ITGA11: variants seen among roughly 807,000 people sequenced by gnomAD.
ITGA11 encodes integrin subunit alpha 11, also known as integrin alpha-11.
ITGA11 carries 97 observed loss-of-function variants against 141.9 expected under a neutral mutation model. That is an observed-to-expected ratio of 0.68 (90% confidence interval 0.58 to 0.81). The LOEUF (loss-of-function observed/expected upper bound fraction) is 0.81, where lower values mean the gene tolerates loss of function less well. Among genes scored for constraint, ITGA11 ranks in the 30% least tolerant of loss-of-function variants. The pLI, the probability that ITGA11 is intolerant of heterozygous loss-of-function variation, is 0.00. For missense variants in ITGA11, 1,387 were observed against 1,559.2 expected, an observed-to-expected ratio of 0.89 and a Z score of 1.86; for synonymous variants, 658 against 624.6, an observed-to-expected ratio of 1.05 and a Z score of -0.80.
rs1197631610 is a variant in ITGA11 at position 68,321,846 on chromosome 15, T to C, written c.2323-343A>G. Among the ~76,000 whole-genome samples the C allele has an allele frequency of 6.6e-6, 1 of 152,202 alleles. No individual in the cohort carries two copies. The highest frequency in any genetic ancestry group is 1.5e-5 in the Non-Finnish European group (1 of 68,048). ...TACTGGGGATACAAAACAAGAAAGA[T>C]GCAGCTTCTGCCCTCAGCTCAAGGG... On this transcript the variant is annotated intron_variant, in intron 18 of 29. Transcript: ENST00000315757. The surrounding 1 kb of genome is among the most constrained non-coding windows in gnomAD (Gnocchi z 4.9).
intron 10 of ITGA11, among the ~76,000 whole-genome samples, chr15:68,341,629 G>A (rs1894573401): frequency 6.6e-6 from 1 of 152,226 alleles, no homozygotes; most frequent in Non-Finnish European, 1.5e-5. Context: ...TGAGGGAGGG[G>A]CGCAGTATTT....
chr15:68,313,993 C>A, intron 22 of ITGA11, 125 bp from the exon 23 acceptor site: 1 of 703,572 alleles, frequency 1.4e-6, no homozygotes. Context: ...ACCAGACAGG[C>A]CAGACAGGGA....
In ITGA11 at chr15:68,322,908, C is replaced by T. The variant is rs1430448794; in HGVS notation, c.2323-1405G>A. On this transcript the variant is annotated intron_variant, in intron 18 of 29. Transcript: ENST00000315757. This position sits in a 1 kb window ranked among gnomAD's most constrained non-coding sequence, Gnocchi z 5.6. ...GTTAAGTGAGAAGTTCAGTGTGCGG[C>T]ATGTTGAGTTTGAAGTGCCTGTGGC... 3.3e-5 allele frequency among the ~76,000 whole-genome samples: 5 copies of T among 150,604 alleles called. No homozygotes were observed. In the East Asian group the frequency reaches 9.7e-4, roughly 29 times the overall value.
At position 68,357,261 on chromosome 15, in the gene ITGA11, C is replaced by T; in HGVS notation, c.639G>A (p.Glu213=). 1 of 1,613,878 alleles carries T rather than the reference C, an allele frequency of 6.2e-7. No individual in the cohort carries two copies. The highest frequency in any genetic ancestry group is 2.2e-5 in the East Asian group (1 of 44,884). Residue 213 remains glutamate, a synonymous_variant, in exon 7 of 30, where the codon GAG becomes GAA. Transcript: ENST00000315757. The part of the protein sequence containing the change: ...VVQYGEDVVH[E]FHLNDYRSVK... ...CAGACCTGTAGTCGTTGAGGTGAAA[C>T]TCATGCACCACATCTTCGCCATACT... is the stretch of plus-strand genomic sequence containing the variant.
At chr15:68,364,652 T>TCCCCCC in intron 4 of ITGA11, 55 bp downstream of exon 4, 8 of 654,788 alleles carry the variant, frequency 1.2e-5, no homozygotes, top group Admixed American at 1.2e-4. Context: ...GCTCCACCCC[T>TCCCCCC]CCCCACCCCC....
chr15:68,368,854 GA>G (rs1254794888), intron 3 of ITGA11, among the ~76,000 whole-genome samples: 6 of 134,646 alleles, frequency 4.5e-5, no homozygotes, highest in Non-Finnish European at 1.5e-5. Flanking sequence ...AAAAAGACAG[GA>G]AGTCCTTTTT....
chr15:68,362,868 T>C (rs1261927375), intron 4 of ITGA11, among the ~76,000 whole-genome samples: 3 of 151,838 alleles, frequency 2.0e-5, no homozygotes, highest in African/African-American at 4.8e-5. Flanking sequence ...CATGTATGAA[T>C]GGGTGGATGA....
intron 2 of ITGA11, among the ~76,000 whole-genome samples, chr15:68,387,625 G>T (rs1269547828): frequency 6.6e-6 from 1 of 152,142 alleles, no homozygotes; most frequent in Non-Finnish European, 1.5e-5. Context: ...GAGATTTTCT[G>T]TGTGTGTTAA....
intron 1 of ITGA11, among the ~76,000 whole-genome samples, chr15:68,425,643 C>T (rs1566946519): frequency 6.6e-6 from 1 of 152,182 alleles, no homozygotes; most frequent in Non-Finnish European, 1.5e-5. Context: ...CCTGGCCCGG[C>T]CTGACTGACA....
intron 10 of ITGA11, among the ~76,000 whole-genome samples, chr15:68,346,918 G>A (rs1052152440): frequency 2.0e-5 from 3 of 152,108 alleles, no homozygotes; most frequent in Admixed American, 2.0e-4. Context: ...CGGATGAGGG[G>A]GGCCTCCAGG....
At position 68,304,203 on chromosome 15, in the gene ITGA11, G is replaced by T. The variant is rs371974786; in HGVS notation, c.3382-318C>A. ...TACTCCTTCTCCCTTTGCTGCCTCC[G>T]CATCGCCTCCCGCACTTCTAAAGGT... On this transcript the variant is annotated intron_variant, in intron 28 of 29. Transcript: ENST00000315757. The surrounding 1 kb of genome is among the most constrained non-coding windows in gnomAD (Gnocchi z 6.1). Among the ~76,000 whole-genome samples the T allele has an allele frequency of 5.9e-5, 9 of 152,116 alleles. No homozygotes were observed. Among genetic ancestry groups the T allele is most frequent in the African/African-American group, 1.9e-4 (8 of 41,430 alleles).
rs1893289625 is a variant in ITGA11, at chr15:68,308,931, T to C, written c.3175-1235A>G. 1.3e-5 allele frequency among the ~76,000 whole-genome samples: 2 copies of C among 152,336 alleles called. No individual in the cohort carries two copies. Among genetic ancestry groups the C allele is most frequent in the East Asian group, 3.9e-4 (2 of 5,188 alleles). On this transcript the variant is annotated intron_variant, in intron 26 of 29. Transcript: ENST00000315757. The surrounding 1 kb of genome is among the most constrained non-coding windows in gnomAD (Gnocchi z 5.2). ...TTAGCCAACACTATAGACAGCTCAG[T>C]TGGCTTAGTTTACATCATTCTGATT...
intron 11 of ITGA11, chr15:68,336,052 A>T (rs1222893080): frequency 1.6e-6 from 1 of 620,226 alleles, no homozygotes; most frequent in South Asian, 2.0e-5. Context: ...GGGGGTTTGG[A>T]GGGTAGGGAG....
chr15:68,363,944 C>G (rs528702858), intron 4 of ITGA11, among the ~76,000 whole-genome samples: 1 of 152,326 alleles, frequency 6.6e-6, no homozygotes, highest in South Asian at 2.1e-4. Context: ...TACTCGTTTG[C>G]TTGTCGCCTC....
intron 1 of ITGA11, among the ~76,000 whole-genome samples, chr15:68,403,350 T>G (rs533388062): frequency 4.5e-4 from 69 of 152,052 alleles, no homozygotes; most frequent in Non-Finnish European, 8.5e-4. Context: ...GATGTTTGGG[T>G]CATGGGGGCG....
chr15:68,365,942 C>T (rs943444815), intron 3 of ITGA11, among the ~76,000 whole-genome samples: 2 of 152,094 alleles, frequency 1.3e-5, no homozygotes, highest in African/African-American at 4.8e-5. Context: ...CCAGGGCACA[C>T]AGGTCAGGAA....
At position 68,308,313 on chromosome 15, in the gene ITGA11, T is replaced by G. The variant is rs556292426; in HGVS notation, c.3175-617A>C. Among the ~76,000 whole-genome samples the G allele has an allele frequency of 2.0e-5, 3 of 152,292 alleles. No homozygotes were observed. The highest frequency in any genetic ancestry group is 6.5e-5 in the Admixed American group (1 of 15,304). The stretch of plus-strand genomic sequence containing the variant: ...TGAGCAACATGAATTCTGCTAAAAT[T>G]GAAGCAAAAACAAACATCAAATTTA... On this transcript the variant is annotated intron_variant, in intron 26 of 29. Transcript: ENST00000315757. The surrounding 1 kb of genome is among the most constrained non-coding windows in gnomAD (Gnocchi z 5.2).
intron 3 of ITGA11, among the ~76,000 whole-genome samples, chr15:68,365,981 G>A (rs2061564): frequency 0.93 from 140,963 of 152,214 alleles, 65,755 homozygotes; most frequent in East Asian, 0.98. Context: ...TCTGGGGGTG[G>A]GCCGCTGGCA....
At position 68,308,777 on chromosome 15, in the gene ITGA11, A is replaced by AAAGAAAAGAAAAGAG. The variant is rs1893283861; in HGVS notation, c.3175-1082_3175-1081insCTCTTTTCTTTTCTT. On this transcript the variant is annotated intron_variant, in intron 26 of 29. Transcript: ENST00000315757. This position sits in a 1 kb window ranked among gnomAD's most constrained non-coding sequence, Gnocchi z 5.2. ...AAAAGAAAAGAAAGAAAAGAAAAGA[A>AAAGAAAAGAAAAGAG]AAGAAAAGGGATTAGAGGACACTGA... is the stretch of plus-strand genomic sequence containing the variant. Among the ~76,000 whole-genome samples the AAAGAAAAGAAAAGAG allele has an allele frequency of 1.3e-5, 2 of 151,964 alleles. No individual in the cohort carries two copies. The highest frequency in any genetic ancestry group is 2.9e-5 in the Non-Finnish European group (2 of 67,996).
Sources: allele counts gnomAD v4.1 joint callset (sites outside exome capture counted in the v4.1 genomes callset), GRCh38; gene constraint gnomAD v4.1.1; non-coding constraint Gnocchi (gnomAD v3.1); transcripts MANE v1.5; gene names NCBI Gene and HGNC (gene_info 2026-07-23, HGNC 2026-07-21).